NECTIN3: variants seen among roughly 807,000 people sequenced by gnomAD.
NECTIN3 encodes nectin-3.
In NECTIN3, 8 loss-of-function variants were observed where a neutral mutation model predicts 49.4. The observed-to-expected ratio is 0.16, with a 90% CI of 0.10 to 0.29. The LOEUF (loss-of-function observed/expected upper bound fraction) is 0.29. Ranked by LOEUF, NECTIN3 falls within the 10% of genes least tolerant of loss-of-function variation. NECTIN3 has a pLI of 1.00. For synonymous variants in NECTIN3, 277 were observed against 241.1 expected (o/e 1.15, Z -1.38); for missense variants, 581 against 654.6 (o/e 0.89, Z 1.23).
intron 6 of NECTIN3, chr3:111,147,388 A>C (rs1448822155): frequency 6.7e-7 from 1 of 1,493,752 alleles, no homozygotes; most frequent in South Asian, 1.2e-5. Flanking sequence ...ACATATTTTA[A>C]CCTTTGCAAT....
chr3:111,142,473 CAT>C (rs551255150), downstream of NECTIN3, among the ~76,000 whole-genome samples: 513 of 151,834 alleles, frequency 3.4e-3, 2 homozygotes, highest in Non-Finnish European at 4.8e-3. Context: ...AGTCAACTCT[CAT>C]AGAATCCTAG....
rs1006723364 is a variant in NECTIN3, at chr3:111,094,902, C to G, written c.161-17128C>G. Among the ~76,000 whole-genome samples the G allele has an allele frequency of 3.3e-5, 5 of 152,278 alleles. No individual in the cohort carries two copies. In the East Asian group the frequency reaches 7.7e-4, roughly 23 times the overall value. On this transcript the variant is annotated intron_variant, in intron 1 of 5. Coordinates refer to ENST00000485303, the MANE Select transcript of NECTIN3 (RefSeq NM_015480.3). ...CTATCATCAGTTAATGGTAGAACCC[C>G]TCCCCAAATCTAAGTTCACCAATGC... is the stretch of plus-strand genomic sequence containing the variant.
At chr3:111,173,085 A>T (rs1180821069) in intron 7 of NECTIN3, among the ~76,000 whole-genome samples, 1 of 152,154 alleles carries the variant, frequency 6.6e-6, no homozygotes, top group Non-Finnish European at 1.5e-5. Context: ...TAATACACAG[A>T]TGGTGCATAT....
intron 1 of NECTIN3, among the ~76,000 whole-genome samples, chr3:111,093,994 G>A (rs1285648071): frequency 6.6e-6 from 1 of 151,976 alleles, no homozygotes; most frequent in Non-Finnish European, 1.5e-5. Context: ...ATATCAAATT[G>A]TGACAGTTAC....
chr3:111,096,289 T>C (rs2032579539), intron 1 of NECTIN3, among the ~76,000 whole-genome samples: 1 of 152,062 alleles, frequency 6.6e-6, no homozygotes, highest in South Asian at 2.1e-4. Context: ...TGATTTAGAG[T>C]ATCTGGTGGG....
chr3:111,072,790 C>A, intron 1 of NECTIN3: 1 of 510,726 alleles, frequency 2.0e-6, no homozygotes, highest in Non-Finnish European at 3.5e-6. Flanking sequence ...GCTTGTGGGA[C>A]GTCTCTCACA....
chr3:111,180,770 A>G (rs2035612042), intron 7 of NECTIN3, among the ~76,000 whole-genome samples: 1 of 152,190 alleles, frequency 6.6e-6, no homozygotes, highest in Non-Finnish European at 1.5e-5. Flanking sequence ...TTTAACGGAG[A>G]AACTTCTGCA....
intron 5 of NECTIN3, among the ~76,000 whole-genome samples, chr3:111,132,565 G>GT (rs2034432615): frequency 6.6e-6 from 1 of 151,820 alleles, no homozygotes; most frequent in South Asian, 2.1e-4. Flanking sequence ...AAACTCTACA[G>GT]TTTTGTGTTA....
At chr3:111,090,914 TCCG>T (rs1300565624) in intron 1 of NECTIN3, among the ~76,000 whole-genome samples, 2 of 149,514 alleles carry the variant, frequency 1.3e-5, no homozygotes, top group East Asian at 4.2e-4. Context: ...TTATCCTCAT[TCCG>T]CCATTAGTGC....
chr3:111,130,048 C>T (rs535215482), intron 5 of NECTIN3, among the ~76,000 whole-genome samples: 29 of 151,412 alleles, frequency 1.9e-4, no homozygotes, highest in South Asian at 4.2e-4. Context: ...CTCCGCCTCC[C>T]GGGTTCACGG....
intron 7 of NECTIN3, among the ~76,000 whole-genome samples, chr3:111,182,958 TTAAG>T (rs1022191293): frequency 3.3e-5 from 5 of 152,172 alleles, no homozygotes; most frequent in Non-Finnish European, 5.9e-5. Context: ...AGCTGAGTGA[TTAAG>T]TATTTTTTAA....
chr3:111,081,743 A>G (rs2031619537), intron 1 of NECTIN3, among the ~76,000 whole-genome samples: 1 of 152,230 alleles, frequency 6.6e-6, no homozygotes, highest in Non-Finnish European at 1.5e-5. Context: ...AGGGAAAGTC[A>G]GTGAAAAAGA....
intron 6 of NECTIN3, chr3:111,147,307 A>G (rs2034896196): frequency 1.0e-6 from 1 of 953,420 alleles, no homozygotes; most frequent in Non-Finnish European, 1.5e-6. Flanking sequence ...TAATATGAGG[A>G]AAATATTCTC....
chr3:111,109,236 A>G (rs756612257), intron 1 of NECTIN3, among the ~76,000 whole-genome samples: 38 of 152,128 alleles, frequency 2.5e-4, no homozygotes, highest in Non-Finnish European at 1.8e-4. Flanking sequence ...GGCCTACCAG[A>G]TACTACCTTT....
At chr3:111,149,113 G>T (rs2034944702) in intron 7 of NECTIN3, among the ~76,000 whole-genome samples, 1 of 151,990 alleles carries the variant, frequency 6.6e-6, no homozygotes, top group South Asian at 2.1e-4. Context: ...ACTTTTGCAT[G>T]GTTTGAGAGC....
chr3:111,118,991 A>G (rs1029764154), intron 3 of NECTIN3, 39 bp downstream of exon 3: 2 of 1,480,082 alleles, frequency 1.4e-6, no homozygotes, highest in African/African-American at 2.8e-5. Context: ...AATATTTGTC[A>G]GCATGTTTAT....
In NECTIN3 at chr3:111,106,410, T is replaced by TA. The variant is rs2033184286; in HGVS notation, c.161-5619dup. Among the ~76,000 whole-genome samples the TA allele has an allele frequency of 2.0e-5, 3 of 152,218 alleles. No individual in the cohort carries two copies. In the South Asian group the frequency reaches 6.2e-4, roughly 32 times the overall value. ...TTCTAATTATGACATGAGATGAAGT[T>TA]AGAGATTCTTTGATAATATTTGTTT... On this transcript the variant is annotated intron_variant, in intron 1 of 5. Transcript: ENST00000485303.
chr3:111,078,507 A>G (rs2031386531), intron 1 of NECTIN3, among the ~76,000 whole-genome samples: 1 of 152,188 alleles, frequency 6.6e-6, no homozygotes, highest in Non-Finnish European at 1.5e-5. Context: ...ATGGAAAGTT[A>G]ACAATGTGAA....
rs2033801672 is a variant in NECTIN3 at position 111,118,437 on chromosome 3, C to G, written c.503-219C>G. ...GTATATCTTTATCAGGTAGAGCCAT[C>G]TTTGTAGTGGTGGTATGAATTCCTG... is the stretch of plus-strand genomic sequence containing the variant. On this transcript the variant is annotated intron_variant, in intron 2 of 5. Coordinates refer to ENST00000485303, the MANE Select transcript of NECTIN3 (RefSeq NM_015480.3). 2.0e-5 allele frequency among the ~76,000 whole-genome samples: 3 copies of G among 151,224 alleles called. No individual in the cohort carries two copies. In the South Asian group the frequency reaches 6.3e-4, roughly 32 times the overall value.
Sources: gnomAD v4.1 joint callset for allele counts (sites outside exome capture counted in the v4.1 genomes callset) on GRCh38, gnomAD v4.1.1 for gene constraint, MANE v1.5 for transcripts, NCBI Gene and HGNC (gene_info 2026-07-23, HGNC 2026-07-21) for gene names.